TENM1: variants seen among roughly 807,000 people sequenced by gnomAD.
TENM1 encodes the protein teneurin-1.
TENM1 carries 35 observed loss-of-function variants against 174.8 expected under a neutral mutation model. The ratio of observed to expected loss-of-function variants is 0.20; its 90% CI spans 0.15 to 0.27. TENM1 has a LOEUF of 0.27. TENM1 is among the 10% of genes least tolerant of loss of function. The pLI is 1.00. For missense variants in TENM1, 1,633 were observed against 2,130.1 expected, an observed-to-expected ratio of 0.77 and a Z score of 4.59; for synonymous variants, 781 against 798.7, an observed-to-expected ratio of 0.98 and a Z score of 0.37.
the TENM1 span, among the ~76,000 whole-genome samples, chrX:125,143,707 CA>C: frequency 9.0e-4 from 100 of 111,727 alleles, no homozygotes; most frequent in Non-Finnish European, 1.7e-3. Flanking sequence ...GAAAAAGTCA[CA>C]AGATTTCCCT....
rs755937733 is a variant in TENM1 at position 124,421,628 on chromosome X, T to C, written c.4471+644A>G. ...GGGAGAAGGCTCTTTTTTTTTTTTT[T>C]TTCCAATTTCGATTAGAAGAAAACT... On this transcript the variant is annotated intron_variant, in intron 24 of 31. Transcript: ENST00000422452. Among the ~76,000 whole-genome samples the C allele has an allele frequency of 5.6e-3, 617 of 110,227 alleles. 1 individual carries two copies. Among genetic ancestry groups the C allele is most frequent in the Non-Finnish European group, 9.9e-3 (524 of 52,751 alleles).
chrX:124,718,431 A>T (rs1209780208), intron 4 of TENM1, among the ~76,000 whole-genome samples: 1 of 112,281 alleles, frequency 8.9e-6, no homozygotes, highest in Non-Finnish European at 1.9e-5. Flanking sequence ...TTACCAGAAA[A>T]CAAGTCAATT....
At position 124,462,367 on chromosome X, in the gene TENM1, T is replaced by C. The variant is rs192682063; in HGVS notation, c.3950-8876A>G. Among the ~76,000 whole-genome samples the C allele has an allele frequency of 1.7e-4, 17 of 102,971 alleles. No homozygotes were observed. The East Asian group carries it at 3.4e-3, about 20-fold the overall frequency. 89.4% of individuals were successfully genotyped at this position (102,971 alleles called of 115,157 possible). On this transcript the variant is annotated intron_variant, in intron 22 of 31. Transcript: ENST00000422452. ...CACTCCCCAGGCAACCCACATTAAA[T>C]TGTGATGTAAGAATGAAATAAGTTA...
At chrX:125,082,360 T>C in the TENM1 span, among the ~76,000 whole-genome samples, 126 of 110,537 alleles carry the variant, frequency 1.1e-3, no homozygotes, top group African/African-American at 3.7e-3. Context: ...TCAGATCACC[T>C]GATTCCTCTG....
chrX:124,819,608 C>T (rs914276304), intron 3 of TENM1, among the ~76,000 whole-genome samples: 3 of 110,594 alleles, frequency 2.7e-5, no homozygotes, highest in Non-Finnish European at 5.7e-5. Context: ...GAACATACGG[C>T]GTGAGAGGGT....
chrX:124,585,604 C>A (rs1239442857), intron 11 of TENM1, among the ~76,000 whole-genome samples: 2 of 110,882 alleles, frequency 1.8e-5, no homozygotes, highest in South Asian at 7.6e-4. Context: ...AAAATTGACA[C>A]CCTAACATCA....
chrX:124,407,307 C>T (rs921441989), intron 25 of TENM1, among the ~76,000 whole-genome samples: 1 of 110,941 alleles, frequency 9.0e-6, no homozygotes, highest in Non-Finnish European at 1.9e-5. Context: ...TGATGTGGAG[C>T]TGTTCTTTTA....
chrX:124,671,856 C>T, intron 5 of TENM1, 21 bp from the exon 9 acceptor site: 1 of 1,205,051 alleles, frequency 8.3e-7, no homozygotes, highest in Non-Finnish European at 1.1e-6. Flanking sequence ...ACAAGCCATA[C>T]ATTAATTTAT....
the TENM1 span, among the ~76,000 whole-genome samples, chrX:125,053,540 G>A: frequency 8.9e-6 from 1 of 112,088 alleles, no homozygotes; most frequent in Non-Finnish European, 1.9e-5. Context: ...GGAAATGGAG[G>A]TACACTGGTA....
the TENM1 span, among the ~76,000 whole-genome samples, chrX:125,109,209 G>A: frequency 1.8e-5 from 2 of 111,440 alleles, no homozygotes; most frequent in Non-Finnish European, 1.9e-5. Flanking sequence ...GTATGCATGC[G>A]CACATACACA....
chrX:125,145,138 T>A, the TENM1 span, among the ~76,000 whole-genome samples: 12,632 of 111,214 alleles, frequency 0.11, 614 homozygotes, highest in Middle Eastern at 0.15. Context: ...CTCCATTAAC[T>A]ATTAATTTAA....
chrX:124,936,338 A>C (rs1482629667), intron 1 of TENM1, among the ~76,000 whole-genome samples: 1 of 111,287 alleles, frequency 9.0e-6, no homozygotes, highest in African/African-American at 3.3e-5. Flanking sequence ...TGGAATGCTC[A>C]GTCCCTGGCT....
intron 4 of TENM1, among the ~76,000 whole-genome samples, chrX:124,718,314 C>T (rs16999412): frequency 0.19 from 21,112 of 111,194 alleles, 2,676 homozygotes; most frequent in African/African-American, 0.47. Context: ...GAAGATCATT[C>T]GTTAGTTGCT....
At chrX:124,607,484 A>T (rs1283926532) in intron 11 of TENM1, among the ~76,000 whole-genome samples, 7 of 111,304 alleles carry the variant, frequency 6.3e-5, no homozygotes, top group Non-Finnish European at 1.1e-4. Context: ...AATGTTCTAA[A>T]ACAGGAGCAT....
chrX:124,735,949 G>A (rs916195537), intron 4 of TENM1, among the ~76,000 whole-genome samples: 1 of 111,351 alleles, frequency 9.0e-6, no homozygotes, highest in Non-Finnish European at 1.9e-5. Context: ...GATGGGCGGG[G>A]AGTGAGGGTT....
At chrX:124,732,809 G>C (rs2053593458) in intron 4 of TENM1, among the ~76,000 whole-genome samples, 1 of 112,052 alleles carries the variant, frequency 8.9e-6, no homozygotes, top group Non-Finnish European at 1.9e-5. Flanking sequence ...ATAAGCTATT[G>C]GACAAAGAAA....
intron 22 of TENM1, among the ~76,000 whole-genome samples, chrX:124,480,830 C>T (rs911894860): frequency 1.8e-5 from 2 of 111,601 alleles, no homozygotes; most frequent in African/African-American, 3.3e-5. Flanking sequence ...TACACACACA[C>T]ACACATACAC....
chrX:124,797,796 G>A (rs2055341974), intron 3 of TENM1, among the ~76,000 whole-genome samples: 1 of 110,116 alleles, frequency 9.1e-6, no homozygotes, highest in African/African-American at 3.3e-5. Context: ...CTGTCACTTA[G>A]GTTTTAAGCC....
chrX:124,658,801 A>C (rs908818242), intron 6 of TENM1, among the ~76,000 whole-genome samples: 4 of 112,312 alleles, frequency 3.6e-5, no homozygotes, highest in Non-Finnish European at 5.6e-5. Flanking sequence ...ACATCTTCTC[A>C]GGTAGAAGTA....
Sources: allele counts gnomAD v4.1 joint callset (sites outside exome capture counted in the v4.1 genomes callset), GRCh38; gene constraint gnomAD v4.1.1; transcripts MANE v1.5; gene names NCBI Gene and HGNC (gene_info 2026-07-23, HGNC 2026-07-21).